The following DLG2 variants were observed in gnomAD, a reference collection of about 807,000 sequenced individuals.
The protein encoded by DLG2 is disks large homolog 2.
A neutral mutation model predicts 132.5 loss-of-function variants in DLG2; 45 were observed. That is an observed-to-expected ratio of 0.34 (90% CI 0.27 to 0.44). DLG2 has a LOEUF of 0.44. Ranked by LOEUF, DLG2 falls within the 20% of genes least tolerant of loss-of-function variation. The pLI is 1.00. For synonymous variants in DLG2, 424 were observed against 419.6 expected (o/e 1.01, Z -0.13); for missense variants, 1,045 against 1,196.9 (o/e 0.87, Z 1.87).
chr11:83,633,190 G>C, intron 19 of DLG2, 21 bp downstream of exon 19: 2 of 1,606,740 alleles, frequency 1.2e-6, no homozygotes, highest in Non-Finnish European at 1.7e-6. Context: ...AGTGCAGATA[G>C]AGAAATACTC....
chr11:85,221,167 C>T (rs373570412), intron 4 of DLG2, among the ~76,000 whole-genome samples: 5 of 151,808 alleles, frequency 3.3e-5, no homozygotes, highest in East Asian at 1.9e-4. Flanking sequence ...CTCAGCCTCT[C>T]GAGTAGCTGG....
intron 10 of DLG2, among the ~76,000 whole-genome samples, chr11:84,074,028 ATGT>A (rs1208131108): frequency 1.3e-5 from 2 of 152,260 alleles, no homozygotes; most frequent in Non-Finnish European, 2.9e-5. Context: ...ATCAAATCTC[ATGT>A]TGTTATAGAG....
chr11:85,425,893 G>A (rs1175516516), intron 3 of DLG2, among the ~76,000 whole-genome samples: 1 of 152,242 alleles, frequency 6.6e-6, no homozygotes, highest in African/African-American at 2.4e-5. Flanking sequence ...CCTAGTCAAA[G>A]AAAGGAGTGA....
chr11:83,624,873 C>T (rs547536256), intron 19 of DLG2, among the ~76,000 whole-genome samples: 1 of 152,314 alleles, frequency 6.6e-6, no homozygotes, highest in Non-Finnish European at 1.5e-5. Flanking sequence ...AGTGCCTTGA[C>T]AAGTCTAGAC....
chr11:84,822,113 G>A (rs2077772283), intron 6 of DLG2, among the ~76,000 whole-genome samples: 1 of 151,698 alleles, frequency 6.6e-6, no homozygotes, highest in Non-Finnish European at 1.5e-5. Flanking sequence ...AAAAGATACG[G>A]CCCATAAGTG....
intron 6 of DLG2, among the ~76,000 whole-genome samples, chr11:84,809,029 A>C (rs1482343672): frequency 6.6e-6 from 1 of 151,958 alleles, no homozygotes; most frequent in Non-Finnish European, 1.5e-5. Flanking sequence ...ATGAATATGG[A>C]CCCACAAATC....
intron 6 of DLG2, among the ~76,000 whole-genome samples, chr11:85,008,310 G>A (rs1322102095): frequency 6.6e-6 from 1 of 152,050 alleles, no homozygotes; most frequent in Non-Finnish European, 1.5e-5. Flanking sequence ...TCAAAATTCT[G>A]GATTCAGAAA....
At chr11:84,507,807 C>A (rs2099245875) in intron 7 of DLG2, among the ~76,000 whole-genome samples, 1 of 152,144 alleles carries the variant, frequency 6.6e-6, no homozygotes, top group Non-Finnish European at 1.5e-5. Flanking sequence ...AGCCTTGAAT[C>A]CCAGGAATAA....
At chr11:84,746,900 T>A (rs7122815) in intron 6 of DLG2, among the ~76,000 whole-genome samples, 122,778 of 151,984 alleles carry the variant, frequency 0.81, 50,199 homozygotes, top group Middle Eastern at 0.9. Context: ...CACCTCCATG[T>A]GCAACAAGGA....
intron 19 of DLG2, among the ~76,000 whole-genome samples, chr11:83,552,560 A>G (rs1266609710): frequency 2.0e-5 from 3 of 152,172 alleles, no homozygotes; most frequent in Non-Finnish European, 4.4e-5. Flanking sequence ...GAGGGGTGGT[A>G]GCACATCTGC....
intron 6 of DLG2, among the ~76,000 whole-genome samples, chr11:84,813,668 A>G (rs968853278): frequency 2.0e-5 from 3 of 152,196 alleles, no homozygotes; most frequent in Admixed American, 1.3e-4. Flanking sequence ...CAGGTCTCAG[A>G]ATGACATAGA....
At chr11:84,520,090 A>G (rs568105579) in intron 7 of DLG2, among the ~76,000 whole-genome samples, 3 of 152,260 alleles carry the variant, frequency 2.0e-5, no homozygotes, top group Admixed American at 1.3e-4. Context: ...AATACCTCCA[A>G]TGACAGGAAG....
intron 18 of DLG2, among the ~76,000 whole-genome samples, chr11:83,687,678 A>G (rs1385072609): frequency 6.6e-6 from 1 of 152,090 alleles, no homozygotes; most frequent in African/African-American, 2.4e-5. Flanking sequence ...TGACAAGATA[A>G]AAAGTTGGCA....
At chr11:85,001,803 C>A in intron 6 of DLG2, among the ~76,000 whole-genome samples, 1 of 152,120 alleles carries the variant, frequency 6.6e-6, no homozygotes, top group East Asian at 1.9e-4. Flanking sequence ...TTAACTACAA[C>A]AAATGTACCA....
At chr11:84,465,185 C>G (rs1003406617) in intron 7 of DLG2, among the ~76,000 whole-genome samples, 1 of 151,108 alleles carries the variant, frequency 6.6e-6, no homozygotes, top group African/African-American at 2.4e-5. Flanking sequence ...TTTTGTGCAA[C>G]GAACTGTGAT....
At chr11:84,721,075 C>T (rs1330544624) in intron 6 of DLG2, among the ~76,000 whole-genome samples, 4 of 152,022 alleles carry the variant, frequency 2.6e-5, no homozygotes, top group Non-Finnish European at 5.9e-5. Flanking sequence ...TGACGTGACC[C>T]CGAGACTGCA....
intron 7 of DLG2, among the ~76,000 whole-genome samples, chr11:84,320,503 C>T (rs1294861041): frequency 6.6e-6 from 1 of 152,120 alleles, no homozygotes; most frequent in Non-Finnish European, 1.5e-5. Context: ...CAGTCTATTC[C>T]TATGATTGCA....
intron 21 of DLG2, among the ~76,000 whole-genome samples, chr11:83,502,836 C>T (rs1591985959): frequency 1.3e-5 from 2 of 152,180 alleles, no homozygotes; most frequent in African/African-American, 2.4e-5. Context: ...TACAGGATCC[C>T]CATTCTTTTT....
chr11:83,742,752 T>C (rs946226557), intron 18 of DLG2, among the ~76,000 whole-genome samples: 4 of 152,208 alleles, frequency 2.6e-5, no homozygotes, highest in Non-Finnish European at 4.4e-5. Flanking sequence ...TGGTCCATAT[T>C]GTCATTTTTA....
Sources: allele counts gnomAD v4.1 joint callset (sites outside exome capture counted in the v4.1 genomes callset), GRCh38; gene constraint gnomAD v4.1.1; transcripts MANE v1.5; gene names NCBI Gene and HGNC (gene_info 2026-07-23, HGNC 2026-07-21).